Variants in GABRR3 observed in about 807,000 individuals in gnomAD.
GABRR3 encodes the protein gamma-aminobutyric acid type A receptor subunit rho3, also known as gamma-aminobutyric acid receptor subunit rho-3.
A neutral mutation model predicts 43.2 loss-of-function variants in GABRR3; 29 were observed. The observed-to-expected ratio is 0.67, with a 90% CI of 0.50 to 0.92. GABRR3 has a LOEUF of 0.92. Among genes scored for constraint, GABRR3 ranks in the 40% least tolerant of loss-of-function variants. GABRR3 has a pLI of 0.00. For missense variants in GABRR3, 576 were observed against 572.3 expected (o/e 1.01, Z -0.07); for synonymous variants, 206 against 195.9 (o/e 1.05, Z -0.43).
intron 9 of GABRR3, among the ~76,000 whole-genome samples, chr3:97,992,245 A>G (rs1262103388): frequency 6.6e-6 from 1 of 152,110 alleles, no homozygotes; most frequent in East Asian, 1.9e-4. Context: ...CCGAGTGACA[A>G]GAAGAGATAT....
intron 5 of GABRR3, among the ~76,000 whole-genome samples, chr3:98,009,337 A>C (rs1275709142): frequency 6.6e-6 from 1 of 152,152 alleles, no homozygotes; most frequent in African/African-American, 2.4e-5. Flanking sequence ...CCAGAAAAAC[A>C]CTCTTCAAAG....
intron 5 of GABRR3, among the ~76,000 whole-genome samples, chr3:98,011,682 G>T (rs527693754): frequency 6.6e-6 from 1 of 151,796 alleles, no homozygotes; most frequent in Non-Finnish European, 1.5e-5. Context: ...ATCTTTTGGG[G>T]TATCATTTCT....
chr3:98,004,736 T>C (rs770085454), intron 7 of GABRR3, among the ~76,000 whole-genome samples: 1 of 151,676 alleles, frequency 6.6e-6, no homozygotes, highest in Non-Finnish European at 1.5e-5. Flanking sequence ...GTCCTATAAC[T>C]ATATTTCTGA....
At chr3:97,985,400 C>T (rs896131639), downstream of GABRR3, among the ~76,000 whole-genome samples, 2 of 152,220 alleles carry the variant, frequency 1.3e-5, no homozygotes, top group African/African-American at 4.8e-5. Flanking sequence ...AATACAATAT[C>T]TGGAAGCATC....
At chr3:97,989,217 G>A (rs1217631449) in intron 9 of GABRR3, among the ~76,000 whole-genome samples, 2 of 150,874 alleles carry the variant, frequency 1.3e-5, no homozygotes, top group Non-Finnish European at 3.0e-5. Context: ...GGTGTTGGTG[G>A]ATGGTGGTGG....
At chr3:98,010,535 G>A (rs920587812) in intron 5 of GABRR3, among the ~76,000 whole-genome samples, 2 of 152,114 alleles carry the variant, frequency 1.3e-5, no homozygotes, top group African/African-American at 4.8e-5. Context: ...CATCTGGCTT[G>A]GCCCCCGGAC....
chr3:98,017,713 A>G lies in GABRR3; in HGVS notation c.248T>C (p.Val83Ala). 3 of 1,608,960 alleles carry G rather than the reference A, an allele frequency of 1.9e-6. No individual in the cohort carries two copies. In the South Asian group the frequency reaches 3.3e-5, roughly 18 times the overall value. Residue 83 changes from valine to alanine, a missense_variant, in exon 4 of 10, where the codon GTG becomes GCG. Transcript: ENST00000621172. ...AACATGGACATCTATACCTACTGGC[A>G]CTGGAGACCCTTAAGAAAGAAGAAT...
chr3:98,026,107 G>C (rs1452266699), intron 2 of GABRR3, among the ~76,000 whole-genome samples: 1 of 152,096 alleles, frequency 6.6e-6, no homozygotes, highest in East Asian at 1.9e-4. Flanking sequence ...GGGTCACTGG[G>C]GCTGAACAAT....
chr3:98,020,505 CATTT>C (rs1038404326), intron 3 of GABRR3, among the ~76,000 whole-genome samples: 3 of 148,080 alleles, frequency 2.0e-5, no homozygotes, highest in Non-Finnish European at 3.0e-5. Context: ...TGCTTCTCAT[CATTT>C]ATTTATTTTT....
intron 3 of GABRR3, among the ~76,000 whole-genome samples, chr3:98,025,139 G>T (rs114398795): frequency 0.01 from 1,554 of 152,252 alleles, 21 homozygotes; most frequent in African/African-American, 0.036. Context: ...GTGATAAACC[G>T]TTTTTAAAAG....
intron 2 of GABRR3, among the ~76,000 whole-genome samples, chr3:98,028,004 G>C (rs1707044386): frequency 6.6e-6 from 1 of 151,774 alleles, no homozygotes; most frequent in Admixed American, 6.6e-5. Context: ...ACTCCATCAT[G>C]TACCTTTGTA....
Position 97,995,876 on chromosome 3 carries a change from G to A in GABRR3, c.908-2828C>T, listed in dbSNP as rs115915145. ...CCATTTAGTCAAAGGAAGGTCATGT[G>A]TTTGGATTAGAAAATTATCTTCCCC... is the stretch of plus-strand genomic sequence containing the variant. On this transcript the variant is annotated intron_variant, in intron 8 of 9. Coordinates refer to ENST00000621172, the Ensembl canonical transcript of GABRR3. 5.1e-3 allele frequency among the ~76,000 whole-genome samples: 773 copies of A among 152,298 alleles called. 6 individuals carry two copies. Among genetic ancestry groups the A allele is most frequent in the African/African-American group, 0.017 (706 of 41,554 alleles).
At chr3:98,014,269 G>T (rs1226567817) in intron 4 of GABRR3, among the ~76,000 whole-genome samples, 1 of 152,186 alleles carries the variant, frequency 6.6e-6, no homozygotes, top group African/African-American at 2.4e-5. Flanking sequence ...TGCAAACTGG[G>T]TCATTCAGAA....
At position 98,007,772 on chromosome 3, in the gene GABRR3, C is replaced by G. The variant is rs767183418; in HGVS notation, c.746G>C (p.Ser249Thr). ...CATGTAAAATGCTGTACCTGTGCTG[C>G]TATAGAAAGCTAATCCACTAGATGC... Residue 249 changes from serine (S) to threonine (T), a missense_variant, in exon 7 of 10, where the codon AGC becomes ACC. By Grantham distance (58) the Ser-to-Thr change is moderately conservative (BLOSUM62 1). Coordinates refer to ENST00000621172, the Ensembl canonical transcript of GABRR3. 1.9e-6 allele frequency: 3 copies of G among 1,613,432 alleles called. No homozygotes were observed. The African/African-American group carries it at 4.0e-5, about 22-fold the overall frequency.
At chr3:98,030,937 G>A (rs550198486) in intron 2 of GABRR3, among the ~76,000 whole-genome samples, 1 of 152,294 alleles carries the variant, frequency 6.6e-6, no homozygotes, top group African/African-American at 2.4e-5. Flanking sequence ...AAAGTAGTGG[G>A]AAAATCAATT....
intron 4 of GABRR3, among the ~76,000 whole-genome samples, chr3:98,013,977 G>C (rs1266239771): frequency 6.6e-6 from 1 of 152,176 alleles, no homozygotes; most frequent in Non-Finnish European, 1.5e-5. Context: ...AGCATTCTGG[G>C]AGGAGGGTGA....
At chr3:98,011,271 AT>A (rs752906444) in intron 5 of GABRR3, among the ~76,000 whole-genome samples, 6 of 152,346 alleles carry the variant, frequency 3.9e-5, no homozygotes, top group Middle Eastern at 3.4e-3. Flanking sequence ...GCTGTAACAA[AT>A]TACTACAAAT....
At chr3:98,028,613 G>GA (rs754533825) in intron 2 of GABRR3, among the ~76,000 whole-genome samples, 3 of 152,188 alleles carry the variant, frequency 2.0e-5, no homozygotes, top group Non-Finnish European at 4.4e-5. Flanking sequence ...GAGGGAGAGG[G>GA]ATGCCTGTAT....
chr3:98,017,661 A>C, exon 4 of GABRR3: 1 of 1,608,762 alleles, frequency 6.2e-7, no homozygotes, highest in Non-Finnish European at 8.5e-7. Context: ...TTACCATGTT[A>C]GTCTCTGAAA....
Sources: allele counts gnomAD v4.1 joint callset (sites outside exome capture counted in the v4.1 genomes callset), GRCh38; gene constraint gnomAD v4.1.1; transcripts MANE v1.5; gene names NCBI Gene and HGNC (gene_info 2026-07-23, HGNC 2026-07-21).